POLA1: variants seen among roughly 807,000 people sequenced by gnomAD.
POLA1 encodes DNA polymerase alpha 1, catalytic subunit.
Under a neutral mutation model 124.0 loss-of-function variants are expected in POLA1, and 15 were observed. The ratio of observed to expected loss-of-function variants is 0.12; its 90% CI spans 0.08 to 0.19. POLA1 has a LOEUF of 0.19. Among genes scored for constraint, POLA1 ranks in the 10% least tolerant of loss-of-function variants. POLA1 has a pLI of 1.00. For missense variants in POLA1, 886 were observed against 1,103.4 expected (o/e 0.80, Z 2.79); for synonymous variants, 408 against 389.4 (o/e 1.05, Z -0.56).
chrX:24,872,641 G>A (rs1477710698), intron 34 of POLA1, among the ~76,000 whole-genome samples: 3 of 111,572 alleles, frequency 2.7e-5, no homozygotes, highest in Non-Finnish European at 5.6e-5. Flanking sequence ...AATATTTGGT[G>A]ATTTCAGTGG....
intron 35 of POLA1, among the ~76,000 whole-genome samples, chrX:24,911,120 C>T (rs916744721): frequency 4.5e-5 from 5 of 112,011 alleles, no homozygotes; most frequent in African/African-American, 1.6e-4. Flanking sequence ...CAGCACACTT[C>T]TCAATAAGTT....
intron 36 of POLA1, among the ~76,000 whole-genome samples, chrX:24,953,720 G>A (rs760727135): frequency 8.9e-6 from 1 of 111,925 alleles, no homozygotes; most frequent in Non-Finnish European, 1.9e-5. Context: ...TCCACTGTGG[G>A]AGCTTTTGGA....
In POLA1 at chrX:24,726,072, A is replaced by G; in HGVS notation, c.1392+17A>G. On this transcript the variant is annotated intron_variant, in intron 13 of 36. Transcript: ENST00000379068. Reference sequence around the variant, plus strand: ...AAATACTCGGTAAGTCAAACAAAGAAAATTACTGGGTTTTGCTTGAGAATG... The same window carrying G: ...AAATACTCGGTAAGTCAAACAAAGAGAATTACTGGGTTTTGCTTGAGAATG... 2 of 1,003,420 alleles carry G rather than the reference A, an allele frequency of 2.0e-6. No homozygotes were observed. Among genetic ancestry groups the G allele is most frequent in the Non-Finnish European group, 2.8e-6 (2 of 716,681 alleles). 82.7% of individuals were successfully genotyped at this position (1,003,420 alleles called of 1,213,427 possible).
intron 32 of POLA1, among the ~76,000 whole-genome samples, chrX:24,838,194 A>G (rs1011163747): frequency 1.1e-4 from 12 of 112,036 alleles, no homozygotes; most frequent in African/African-American, 2.6e-4. Context: ...GTTACTTTCT[A>G]TAAATACTTC....
At chrX:24,893,067 G>T (rs776203152) in intron 35 of POLA1, among the ~76,000 whole-genome samples, 5 of 112,190 alleles carry the variant, frequency 4.5e-5, no homozygotes, top group Non-Finnish European at 9.4e-5. Context: ...TGAACAAATT[G>T]TTGATTTGAT....
At chrX:24,943,979 C>T (rs772056918) in intron 36 of POLA1, among the ~76,000 whole-genome samples, 1 of 111,544 alleles carries the variant, frequency 9.0e-6, no homozygotes, top group Non-Finnish European at 1.9e-5. Flanking sequence ...TCAAAGACAC[C>T]CAACAAACTC....
At chrX:24,694,103 G>C in intron 1 of POLA1, 99 bp downstream of exon 1, 1 of 861,701 alleles carries the variant, frequency 1.2e-6, no homozygotes, top group Middle Eastern at 2.9e-4. Context: ...GTTTGTTTGG[G>C]CGCAGACCTT....
intron 36 of POLA1, among the ~76,000 whole-genome samples, chrX:24,981,063 G>A (rs1019863587): frequency 4.5e-5 from 5 of 111,975 alleles, no homozygotes; most frequent in African/African-American, 1.6e-4. Flanking sequence ...TCAGTCCCTC[G>A]CTATGCTTCC....
chrX:24,909,033 A>C (rs141665099), intron 35 of POLA1, among the ~76,000 whole-genome samples: 4 of 111,719 alleles, frequency 3.6e-5, no homozygotes, highest in Admixed American at 9.5e-5. Flanking sequence ...TAAATGTCTT[A>C]TTTTGAGAAT....
intron 34 of POLA1, among the ~76,000 whole-genome samples, chrX:24,886,511 C>G (rs904401871): frequency 9.0e-6 from 1 of 111,570 alleles, no homozygotes; most frequent in Non-Finnish European, 1.9e-5. Flanking sequence ...TTAAATGGAG[C>G]TAGAAGAACT....
At chrX:24,738,086 G>A (rs1021523627) in intron 19 of POLA1, among the ~76,000 whole-genome samples, 11 of 104,451 alleles carry the variant, frequency 1.1e-4, no homozygotes, top group Admixed American at 2.0e-4. Context: ...GGTGGCGGGC[G>A]CCTGTAGTCC....
intron 20 of POLA1, 53 bp from the exon 21 acceptor site, chrX:24,741,322 G>T: frequency 1.0e-6 from 1 of 980,793 alleles, no homozygotes; most frequent in Non-Finnish European, 1.4e-6. Flanking sequence ...CTGATTATAG[G>T]CATTGTTTCT....
intron 26 of POLA1, among the ~76,000 whole-genome samples, chrX:24,779,130 G>T (rs1352320545): frequency 5.5e-5 from 6 of 109,597 alleles, no homozygotes. Flanking sequence ...CCAGGCTGGA[G>T]TGCAGTGGCG....
intron 34 of POLA1, among the ~76,000 whole-genome samples, chrX:24,879,779 A>G (rs2046980094): frequency 8.9e-6 from 1 of 111,943 alleles, no homozygotes; most frequent in Non-Finnish European, 1.9e-5. Context: ...CATGTCCTCT[A>G]TTGAACTTTT....
At chrX:24,857,332 TAGTA>T (rs902662074) in intron 34 of POLA1, among the ~76,000 whole-genome samples, 1 of 112,280 alleles carries the variant, frequency 8.9e-6, no homozygotes. Flanking sequence ...TGTAGCTTTA[TAGTA>T]AGTCTTGTAT....
At chrX:24,830,999 G>A (rs1475373355) in intron 32 of POLA1, among the ~76,000 whole-genome samples, 1 of 111,543 alleles carries the variant, frequency 9.0e-6, no homozygotes, top group Non-Finnish European at 1.9e-5. Context: ...AAGAACATGA[G>A]AATTTAGAAT....
chrX:24,743,281 C>T lies in POLA1; in HGVS notation c.2518C>T (p.Arg840Cys), dbSNP rs761411041. 6.0e-6 allele frequency: 7 copies of T among 1,176,281 alleles called. No homozygotes were observed. The South Asian group carries it at 7.3e-5, about 12-fold the overall frequency. ...DGDTNKYKKGRKKAAYAGGLV... is the reference protein window; with the variant it reads ...DGDTNKYKKGCKKAAYAGGLV... ...AGATACCAATAAATACAAGAAAGGACGTAAGAAAGCAGCTTATGCTGGAGG... is the reference window on the plus strand; with the variant it reads ...AGATACCAATAAATACAAGAAAGGATGTAAGAAAGCAGCTTATGCTGGAGG... Residue 840 changes from arginine (R) to cysteine (C), a missense_variant, in exon 23 of 37, where the codon CGT becomes TGT. Around this residue, in one of 7 missense-constraint regions of POLA1, gnomAD observed 182 missense variants for 252.8 expected, o/e 0.72. Coordinates refer to ENST00000379068, the MANE Select transcript of POLA1 (RefSeq NM_001330360.2).
chrX:24,822,325 A>G (rs1371039492), intron 31 of POLA1, among the ~76,000 whole-genome samples: 1 of 112,433 alleles, frequency 8.9e-6, no homozygotes, highest in Non-Finnish European at 1.9e-5. Context: ...TCAAATTACA[A>G]TGGTATAGAC....
At chrX:24,792,197 A>G (rs1569312713) in intron 26 of POLA1, among the ~76,000 whole-genome samples, 1 of 111,371 alleles carries the variant, frequency 9.0e-6, no homozygotes, top group Non-Finnish European at 1.9e-5. Context: ...TTCAAACACT[A>G]AAACTCTTGG....
Sources: gnomAD v4.1 joint callset for allele counts (sites outside exome capture counted in the v4.1 genomes callset) on GRCh38, gnomAD v4.1.1 for gene constraint, gnomAD v4.1.1 regional missense constraint, MANE v1.5 for transcripts, NCBI Gene and HGNC (gene_info 2026-07-23, HGNC 2026-07-21) for gene names.